DVL3: variants seen among roughly 807,000 people sequenced by gnomAD.
DVL3 encodes segment polarity protein dishevelled homolog DVL-3.
DVL3 carries 27 observed loss-of-function variants against 67.4 expected under a neutral mutation model. The ratio of observed to expected loss-of-function variants is 0.40; its 90% CI spans 0.30 to 0.55. The LOEUF (loss-of-function observed/expected upper bound fraction) is 0.55. Among genes scored for constraint, DVL3 ranks in the 20% least tolerant of loss-of-function variants. The pLI is 0.46. For synonymous variants in DVL3, 369 were observed against 396.8 expected (o/e 0.93, Z 0.83); for missense variants, 819 against 1,021.5 (o/e 0.80, Z 2.70).
In DVL3 at chr3:184,163,708, T is replaced by C. The variant is rs1285899770; in HGVS notation, c.213T>C (p.Asn71=). Residue 71 remains asparagine (N), a synonymous_variant, in exon 2 of 15, where the codon AAT becomes AAC. Coordinates refer to ENST00000313143, the MANE Select transcript of DVL3 (RefSeq NM_004423.4). This position sits in a 1 kb window ranked among gnomAD's most constrained non-coding sequence, Gnocchi z 4.5. ...SDDNAKLPCF[N]GRVVSWLVSA... ...ACAATGCCAAGCTACCATGCTTCAA[T>C]GGCCGGGTGGTGTCCTGGGTAAGGA... 1.5e-5 allele frequency: 25 copies of C among 1,614,084 alleles called. No homozygotes were observed. The highest frequency in any genetic ancestry group is 2.1e-5 in the Non-Finnish European group (25 of 1,180,014).
chr3:184,163,640 TC>T lies in DVL3; in HGVS notation c.162-12del, dbSNP rs749485607. 1.9e-6 allele frequency: 3 copies of T among 1,612,748 alleles called. No homozygotes were observed. Among genetic ancestry groups the T allele is most frequent in the Middle Eastern group, 3.3e-4 (2 of 6,062 alleles). On this transcript the variant is annotated splice_polypyrimidine_tract_variant and intron_variant, in intron 1 of 14. Transcript: ENST00000313143. This position sits in a 1 kb window ranked among gnomAD's most constrained non-coding sequence, Gnocchi z 4.5. The stretch of plus-strand genomic sequence containing the variant: ...GCACCCTAGAAGGTTCTCTGTGACA[TC>T]CCCCTTTCTCTGCAGAGTGGTGAAG...
Position 184,167,851 on chromosome 3 carries a change from G to A in DVL3, c.1331-47G>A. The A allele has an allele frequency of 6.2e-7, 1 of 1,613,634 alleles. No homozygotes were observed. Among genetic ancestry groups the A allele is most frequent in the Non-Finnish European group, 8.5e-7 (1 of 1,179,782 alleles). On this transcript the variant is annotated intron_variant, in intron 12 of 14. Transcript: ENST00000313143. This position sits in a 1 kb window ranked among gnomAD's most constrained non-coding sequence, Gnocchi z 4.6. ...TCATAGCTTCTGTGAGGCCAGATGA[G>A]TCCAAGTCAGATGGGCCTCCCCATC...
At position 184,164,695 on chromosome 3, in the gene DVL3, C is replaced by T. The variant is rs1238338484; in HGVS notation, c.463+94C>T. 1 of 1,577,226 alleles carries T rather than the reference C, an allele frequency of 6.3e-7. No homozygotes were observed. Among genetic ancestry groups the T allele is most frequent in the Non-Finnish European group, 8.6e-7 (1 of 1,158,532 alleles). On this transcript the variant is annotated intron_variant, in intron 4 of 14. Transcript: ENST00000313143. This position sits in a 1 kb window ranked among gnomAD's most constrained non-coding sequence, Gnocchi z 5.3. Reference sequence around the variant, plus strand: ...ACCTTCTTGCCCTACTTCCCGAGCTCAGGATATGCCTGGCCCCAGTGCAGC... The same window carrying T: ...ACCTTCTTGCCCTACTTCCCGAGCTTAGGATATGCCTGGCCCCAGTGCAGC...
rs1165176930 is a variant in DVL3, at chr3:184,164,822, G to A, written c.490G>A (p.Gly164Arg). ...AACCCGGCTAAATGGAACTGCGAAG[G>A]GGGAACGGCGGCGAGAACCAGGGGG... is the stretch of plus-strand genomic sequence containing the variant. ...HATRLNGTAK[G>R]ERRREPGGYD... Residue 164 changes from glycine (G) to arginine (R), a missense_variant, in exon 5 of 15, where the codon GGG becomes AGG. This residue lies in a region of DVL3 where 385 missense variants were observed against 486.8 expected (regional missense o/e 0.79). Coordinates refer to ENST00000313143, the MANE Select transcript of DVL3 (RefSeq NM_004423.4). The surrounding 1 kb of genome is among the most constrained non-coding windows in gnomAD (Gnocchi z 5.3). The A allele has an allele frequency of 1.2e-6, 2 of 1,614,064 alleles. No individual in the cohort carries two copies. The highest frequency in any genetic ancestry group is 1.1e-5 in the South Asian group (1 of 91,090).
chr3:184,164,659 C>T lies in DVL3; in HGVS notation c.463+58C>T. ...CCTCACACCCTCCCCTCACTTTCCACCCAGCTACCCACCTTCTTGCCCTAC... is the reference window on the plus strand; with the variant it reads ...CCTCACACCCTCCCCTCACTTTCCATCCAGCTACCCACCTTCTTGCCCTAC... On this transcript the variant is annotated intron_variant, in intron 4 of 14. Transcript: ENST00000313143. This position sits in a 1 kb window ranked among gnomAD's most constrained non-coding sequence, Gnocchi z 5.3. 1 of 1,551,348 alleles carries T rather than the reference C, an allele frequency of 6.4e-7. No individual in the cohort carries two copies. The highest frequency in any genetic ancestry group is 8.7e-7 in the Non-Finnish European group (1 of 1,143,846).
chr3:184,162,168 A>G (rs1195754522), intron 1 of DVL3, among the ~76,000 whole-genome samples: 1 of 145,150 alleles, frequency 6.9e-6, no homozygotes, highest in South Asian at 2.2e-4. Context: ...TATGCTCAAT[A>G]AATGACAGCA....
At chr3:184,169,398 C>A (rs774047267) in intron 13 of DVL3, among the ~76,000 whole-genome samples, 1 of 152,178 alleles carries the variant, frequency 6.6e-6, no homozygotes, top group African/African-American at 2.4e-5. Context: ...AAAATGGCCA[C>A]ATAAGAGTTT....
Position 184,167,094 on chromosome 3 carries a change from C to A in DVL3, c.1198+119C>A. On this transcript the variant is annotated intron_variant, in intron 11 of 14. Coordinates refer to ENST00000313143, the MANE Select transcript of DVL3 (RefSeq NM_004423.4). The surrounding 1 kb of genome is among the most constrained non-coding windows in gnomAD (Gnocchi z 4.6). ...AGAGGGCTGGAGATGGGGCTCGGCT[C>A]ATTCCAGCAACCCCACACTGCAACT... The A allele has an allele frequency of 1.5e-6, 2 of 1,291,534 alleles. No individual in the cohort carries two copies. The highest frequency in any genetic ancestry group is 1.4e-5 in the South Asian group (1 of 72,238). 80.0% of individuals were successfully genotyped at this position (1,291,534 alleles called of 1,614,324 possible). A position where few individuals can be genotyped will look rare whatever the true frequency, so the allele number is the denominator to read the frequency against.
In DVL3 at chr3:184,170,031, T is replaced by G. The variant is rs765416050; in HGVS notation, c.1524T>G (p.Asp508Glu). The G allele has an allele frequency of 3.1e-6, 5 of 1,610,632 alleles. No individual in the cohort carries two copies. Among genetic ancestry groups the G allele is most frequent in the Non-Finnish European group, 4.2e-6 (5 of 1,177,684 alleles). The change falls in exon 14 of 15, where the codon GAT (aspartate) becomes GAG (glutamate). Residue 508 changes from aspartate (D) to glutamate (E), a missense_variant. Coordinates refer to ENST00000313143, the MANE Select transcript of DVL3 (RefSeq NM_004423.4). The surrounding 1 kb of genome is among the most constrained non-coding windows in gnomAD (Gnocchi z 6.5). ...CGNMANLSLH[D>E]HDGSSGASDQ... is the part of the protein sequence containing the mutation. ...ACATGGCCAACCTGTCTCTCCACGATCACGATGGCTCCAGTGGCGCCTCTG... is the reference window on the plus strand; with the variant it reads ...ACATGGCCAACCTGTCTCTCCACGAGCACGATGGCTCCAGTGGCGCCTCTG...
At position 184,165,336 on chromosome 3, in the gene DVL3, C is replaced by T; in HGVS notation, c.694-86C>T. On this transcript the variant is annotated intron_variant, in intron 6 of 14. Transcript: ENST00000313143. The surrounding 1 kb of genome is among the most constrained non-coding windows in gnomAD (Gnocchi z 4.1). Reference sequence around the variant, plus strand: ...TTGAGAACCTTGGGGCTGGGGGCTGCACCGGGGACTCACCTTGAGGAGGAG... The same window carrying T: ...TTGAGAACCTTGGGGCTGGGGGCTGTACCGGGGACTCACCTTGAGGAGGAG... The T allele has an allele frequency of 6.5e-7, 1 of 1,547,092 alleles. No individual in the cohort carries two copies. The highest frequency in any genetic ancestry group is 8.9e-7 in the Non-Finnish European group (1 of 1,126,430).
In DVL3 at chr3:184,170,560, C is replaced by G. The variant is rs1236859166; in HGVS notation, c.1956C>G (p.Ser652Arg). 1.9e-6 allele frequency: 3 copies of G among 1,612,642 alleles called. No individual in the cohort carries two copies. The Admixed American group carries it at 5.0e-5, about 27-fold the overall frequency. The change falls in exon 15 of 15, where the codon AGC becomes AGG. Residue 652 changes from serine to arginine, a missense_variant. Ser to Arg is a moderately radical substitution (Grantham distance 110). Transcript: ENST00000313143. The surrounding 1 kb of genome is among the most constrained non-coding windows in gnomAD (Gnocchi z 6.5). ...TTCGCAGCCACCACACACACCCGAG[C>G]TACGGTCCTCCCGGAGTGCCCCCTC... ...SSLRSHHTHPSYGPPGVPPLY... is the reference protein window; with the variant it reads ...SSLRSHHTHPRYGPPGVPPLY...
At chr3:184,156,567 C>T (rs1560115169) in intron 1 of DVL3, 5 of 428,468 alleles carry the variant, frequency 1.2e-5, no homozygotes. Context: ...TGTTCTCTAT[C>T]TTCCCCTCCC....
chr3:184,171,245 A>G lies in DVL3; in HGVS notation c.*490A>G, dbSNP rs548026042. ...TACCCCACATTACTGAAACCAAAAT[A>G]TATTTGCTTCATCTGCCCCTACTAA... On this transcript the variant is annotated 3_prime_UTR_variant, in exon 15 of 15. Coordinates refer to ENST00000313143, the MANE Select transcript of DVL3 (RefSeq NM_004423.4). The G allele has an allele frequency of 1.3e-4, 137 of 1,052,906 alleles. No homozygotes were observed. In the South Asian group the frequency reaches 3.4e-3, roughly 26 times the overall value. 65.2% of individuals were successfully genotyped at this position (1,052,906 alleles called of 1,614,324 possible).
In DVL3 at chr3:184,166,597, T is replaced by G. The variant is rs1413555715; in HGVS notation, c.981-9T>G. The G allele has an allele frequency of 6.2e-7, 1 of 1,614,168 alleles. No individual in the cohort carries two copies. Among genetic ancestry groups the G allele is most frequent in the Admixed American group, 1.7e-5 (1 of 60,008 alleles). ...CATCCTGCCTTCACTAGGACACCCT[T>G]GTTTTCAGGCCCATCACCCTGACTG... On this transcript the variant is annotated splice_polypyrimidine_tract_variant and intron_variant, in intron 9 of 14. Transcript: ENST00000313143. The surrounding 1 kb of genome is among the most constrained non-coding windows in gnomAD (Gnocchi z 6.7).
In DVL3 at chr3:184,159,583, C is replaced by T. The variant is rs1460476755; in HGVS notation, c.161+3787C>T. On this transcript the variant is annotated intron_variant, in intron 1 of 14. Coordinates refer to ENST00000313143, the MANE Select transcript of DVL3 (RefSeq NM_004423.4). ...TTTGCTACGTTAGCCAAGCTAGTCACGAACTCTTGACCTCAAGTGATCCGC... is the reference window on the plus strand; with the variant it reads ...TTTGCTACGTTAGCCAAGCTAGTCATGAACTCTTGACCTCAAGTGATCCGC... Among the ~76,000 whole-genome samples, 6 of 64,494 alleles carry T rather than the reference C, an allele frequency of 9.3e-5. 2 individuals are homozygous for T. Among genetic ancestry groups the T allele is most frequent in the Non-Finnish European group, 2.1e-4 (6 of 28,738 alleles). The allele number at this position is 64,494 out of a possible 152,430, so 42.3% of individuals were successfully genotyped here.
Position 184,166,706 on chromosome 3 carries a change from G to C in DVL3, c.1048+33G>C. On this transcript the variant is annotated intron_variant, in intron 10 of 14. Transcript: ENST00000313143. This position sits in a 1 kb window ranked among gnomAD's most constrained non-coding sequence, Gnocchi z 6.7. Reference sequence around the variant, plus strand: ...GATGGGAGACTCAGTCCTAAAGCTGGTGCTTACATACATGAGCACTGTCTC... The same window carrying C: ...GATGGGAGACTCAGTCCTAAAGCTGCTGCTTACATACATGAGCACTGTCTC... The C allele has an allele frequency of 3.1e-6, 5 of 1,612,952 alleles. No individual in the cohort carries two copies. Among genetic ancestry groups the C allele is most frequent in the Non-Finnish European group, 4.2e-6 (5 of 1,179,390 alleles).
chr3:184,165,029 G>A lies in DVL3; in HGVS notation c.600-84G>A. ...CCCCTGGGAGGCTTATGGGCTTTGT[G>A]TTGGGGACCCAGGCCCTGCAGTGCC... On this transcript the variant is annotated intron_variant, in intron 5 of 14. Transcript: ENST00000313143. The surrounding 1 kb of genome is among the most constrained non-coding windows in gnomAD (Gnocchi z 4.1). 6.2e-7 allele frequency: 1 copy of A among 1,608,616 alleles called. No individual in the cohort carries two copies.
chr3:184,164,863 C>T lies in DVL3; in HGVS notation c.531C>T (p.Ser177=). The change falls in exon 5 of 15, where the codon TCC becomes TCT. Residue 177 remains serine, a synonymous_variant. Coordinates refer to ENST00000313143, the MANE Select transcript of DVL3 (RefSeq NM_004423.4). This position sits in a 1 kb window ranked among gnomAD's most constrained non-coding sequence, Gnocchi z 5.3. ...AACCAGGGGGTTATGATAGCTCATC[C>T]ACCCTTATGAGCAGTGAGCTGGAGA... is the stretch of plus-strand genomic sequence containing the variant. ...RREPGGYDSS[S]TLMSSELETT... 1 of 1,614,184 alleles carries T rather than the reference C, an allele frequency of 6.2e-7. No homozygotes were observed. The highest frequency in any genetic ancestry group is 8.5e-7 in the Non-Finnish European group (1 of 1,180,006).
At chr3:184,168,470 A>T (rs1278655095) in intron 13 of DVL3, among the ~76,000 whole-genome samples, 6 of 152,226 alleles carry the variant, frequency 3.9e-5, no homozygotes, top group African/African-American at 1.4e-4. Flanking sequence ...AGGAGCACAC[A>T]GTCATTCCCT....
Sources: allele counts gnomAD v4.1 joint callset (sites outside exome capture counted in the v4.1 genomes callset), GRCh38; gene constraint gnomAD v4.1.1; regional missense constraint gnomAD v4.1.1; non-coding constraint Gnocchi (gnomAD v3.1); transcripts MANE v1.5; gene names NCBI Gene and HGNC (gene_info 2026-07-23, HGNC 2026-07-21).